KRT38: variants seen among roughly 807,000 people sequenced by gnomAD.
The protein encoded by KRT38 is keratin, type I cuticular Ha8.
Under a neutral mutation model 43.1 loss-of-function variants are expected in KRT38, and 45 were observed. The observed-to-expected ratio is 1.04, with a 90% CI of 0.82 to 1.34. The LOEUF (loss-of-function observed/expected upper bound fraction) is 1.34, where lower values mean the gene tolerates loss of function less well. Among genes scored for constraint, KRT38 ranks in the 40% most tolerant of loss-of-function variants. KRT38 has a pLI of 0.00. For missense variants in KRT38, 627 were observed against 586.2 expected, an observed-to-expected ratio of 1.07 and a Z score of -0.72; for synonymous variants, 258 against 244.0, an observed-to-expected ratio of 1.06 and a Z score of -0.53.
In KRT38 at chr17:41,438,040, C is replaced by A. The variant is rs1437966113; in HGVS notation, c.1241+53G>T. ...ACAGCCCTTCTGCTGCCCTGAGGAC[C>A]TCATCAGAATTGAGTAAATAATTTG... On this transcript the variant is annotated intron_variant, in intron 6 of 6. Transcript: ENST00000246646. 5 of 1,568,686 alleles carry A rather than the reference C, an allele frequency of 3.2e-6. No homozygotes were observed. The Admixed American group carries it at 6.7e-5, about 21-fold the overall frequency.
rs2018781914 is a variant in KRT38, at chr17:41,440,430, C to T, written c.492G>A (p.Lys164=). 2 of 1,612,620 alleles carry T rather than the reference C, an allele frequency of 1.2e-6. No homozygotes were observed. The highest frequency in any genetic ancestry group is 1.3e-5 in the African/African-American group (1 of 74,922). The stretch of plus-strand genomic sequence containing the variant: ...ACACCCAAGCGATCCCACACCTCAC[C>T]TTCTGTTGGAGCTCCTCGATGGTGT... ...YFHTIEELQQ[K]ILCSKAENAR... The change falls in exon 1 of 7, where the codon AAG becomes AAA. Residue 164 remains lysine, a splice_region_variant and synonymous_variant. Coordinates refer to ENST00000246646, the MANE Select transcript of KRT38 (RefSeq NM_006771.4).
rs760369579 is a variant in KRT38 at position 41,438,760 on chromosome 17, C to A, written c.831G>T (p.Arg277=). 12 of 1,614,148 alleles carry A rather than the reference C, an allele frequency of 7.4e-6. No individual in the cohort carries two copies. The highest frequency in any genetic ancestry group is 1.0e-5 in the Non-Finnish European group (12 of 1,180,012). The part of the protein sequence containing the change: ...IDLNRVLGEM[R]AQYEAMLETN... ...TCTCCAACATGGCCTCATACTGAGC[C>A]CGCATCTCCCCCAGCACCCTGTTCA... is the stretch of plus-strand genomic sequence containing the variant. The change falls in exon 4 of 7, where the codon CGG becomes CGT. Residue 277 remains arginine (R), a synonymous_variant. Coordinates refer to ENST00000246646, the MANE Select transcript of KRT38 (RefSeq NM_006771.4).
rs2018788255 is a variant in KRT38, at chr17:41,440,689, G to A, written c.233C>T (p.Pro78Leu). ...CLPPTCHTAC[P>L]LPGTCHIPGN... ...AGGAATGTGGCAGGTCCCTGGCAAG[G>A]GACAAGCAGTGTGGCAGGTAGGCGG... Residue 78 changes from proline to leucine, a missense_variant, in exon 1 of 7, where the codon CCC becomes CTC. By Grantham distance (98) the Pro-to-Leu change is moderately conservative (BLOSUM62 -3). Coordinates refer to ENST00000246646, the MANE Select transcript of KRT38 (RefSeq NM_006771.4). 2 of 1,614,232 alleles carry A rather than the reference G, an allele frequency of 1.2e-6. No individual in the cohort carries two copies. Among genetic ancestry groups the A allele is most frequent in the Non-Finnish European group, 8.5e-7 (1 of 1,180,034 alleles).
Position 41,440,443 on chromosome 17 carries a change from T to C in KRT38, c.479A>G (p.Glu160Gly). The C allele has an allele frequency of 6.2e-7, 1 of 1,613,516 alleles. No homozygotes were observed. The highest frequency in any genetic ancestry group is 1.3e-5 in the African/African-American group (1 of 75,030). Residue 160 changes from glutamate to glycine, a missense_variant, in exon 1 of 7, where the codon GAG becomes GGG. Glu to Gly is a moderately conservative substitution (Grantham distance 98, BLOSUM62 -2). Coordinates refer to ENST00000246646, the MANE Select transcript of KRT38 (RefSeq NM_006771.4). Reference sequence around the variant, plus strand: ...CCCACACCTCACCTTCTGTTGGAGCTCCTCGATGGTGTGGAAGTAAGACTG... The same window carrying C: ...CCCACACCTCACCTTCTGTTGGAGCCCCTCGATGGTGTGGAAGTAAGACTG... Reference protein sequence around the residue: ...DYQSYFHTIEELQQKILCSKA... With the variant: ...DYQSYFHTIEGLQQKILCSKA...
Position 41,440,660 on chromosome 17 carries a change from T to C in KRT38, c.262A>G (p.Asn88Asp). The part of the protein sequence containing the change: ...PLPGTCHIPG[N>D]IGICGAYGEN... ...CCATAGGCCCCACAGATTCCAATGTTGCCAGGAATGTGGCAGGTCCCTGGC... is the reference window on the plus strand; with the variant it reads ...CCATAGGCCCCACAGATTCCAATGTCGCCAGGAATGTGGCAGGTCCCTGGC... The change falls in exon 1 of 7, where the codon AAC becomes GAC. Residue 88 changes from asparagine (N) to aspartate (D), a missense_variant. Transcript: ENST00000246646. The C allele has an allele frequency of 6.2e-7, 1 of 1,614,210 alleles. No homozygotes were observed.
In KRT38 at chr17:41,440,860, C is replaced by T. The variant is rs758125628; in HGVS notation, c.62G>A (p.Arg21Lys). Residue 21 changes from arginine (R) to lysine (K), a missense_variant, in exon 1 of 7, where the codon AGA becomes AAA. Arg to Lys is a conservative substitution (Grantham distance 26, BLOSUM62 2). Coordinates refer to ENST00000246646, the MANE Select transcript of KRT38 (RefSeq NM_006771.4). ...PLGCTMAPGARNVSVSPIDIG... is the reference protein window; with the variant it reads ...PLGCTMAPGAKNVSVSPIDIG... Reference sequence around the variant, plus strand: ...GTCGATGGGAGAGACAGAGACATTTCTTGCTCCAGGAGCCATGGTGCAACC... The same window carrying T: ...GTCGATGGGAGAGACAGAGACATTTTTTGCTCCAGGAGCCATGGTGCAACC... 2.3e-5 allele frequency: 37 copies of T among 1,583,626 alleles called. No individual in the cohort carries two copies. The African/African-American group carries it at 4.7e-4, about 20-fold the overall frequency.
chr17:41,438,549 A>G lies in KRT38; in HGVS notation c.962T>C (p.Leu321Pro), dbSNP rs1367253727. 1.9e-6 allele frequency: 3 copies of G among 1,614,180 alleles called. No individual in the cohort carries two copies. The highest frequency in any genetic ancestry group is 1.7e-5 in the Admixed American group (1 of 60,030). The change falls in exon 5 of 7, where the codon CTG (leucine) becomes CCG (proline). Residue 321 changes from leucine to proline, a missense_variant. By Grantham distance (98) the Leu-to-Pro change is moderately conservative. Coordinates refer to ENST00000246646, the MANE Select transcript of KRT38 (RefSeq NM_006771.4). ...EELQCCQSEI[L>P]ELRCTVNALE... ...GGCATTCACCGTGCATCTCAGCTCC[A>G]GGATCTCCGACTGGCAGCACTGCAG...
Position 41,438,281 on chromosome 17 carries a change from G to A in KRT38, c.1053C>T (p.Ala351=), listed in dbSNP as rs550682328. ...KDCLQNSLCE[A]EDRFGTELAQ... ...CCAGCTCCGTGCCGAAGCGGTCCTC[G>A]GCTTCACACAGGGAGTTCTGCAGAC... Residue 351 remains alanine (A), a synonymous_variant, in exon 6 of 7, where the codon GCC becomes GCT. Coordinates refer to ENST00000246646, the MANE Select transcript of KRT38 (RefSeq NM_006771.4). The A allele has an allele frequency of 5.9e-5, 96 of 1,614,122 alleles. No individual in the cohort carries two copies. In the Admixed American group the frequency reaches 8.0e-4, roughly 13 times the overall value.
chr17:41,438,301 G>C lies in KRT38; in HGVS notation c.1033C>G (p.Gln345Glu). 6.2e-7 allele frequency: 1 copy of C among 1,614,076 alleles called. No individual in the cohort carries two copies. ...QAQHTLKDCL[Q>E]NSLCEAEDRF... ...TCCTCGGCTTCACACAGGGAGTTCT[G>C]CAGACAGTCCTTCTGTAGTGGGAAA... The change falls in exon 6 of 7, where the codon CAG (glutamine) becomes GAG (glutamate). Residue 345 changes from glutamine (Q) to glutamate (E), a missense_variant. Transcript: ENST00000246646.
At position 41,438,214 on chromosome 17, in the gene KRT38, A is replaced by G; in HGVS notation, c.1120T>C (p.Ser374Pro). ...SLISNVEEQL[S>P]EIRADLERQN... ...CGCTCCAGGTCGGCCCGGATCTCAG[A>G]CAGCTGCTCCTCCACGTTGCTGATG... The change falls in exon 6 of 7, where the codon TCT becomes CCT. Residue 374 changes from serine to proline, a missense_variant. By Grantham distance (74) the Ser-to-Pro change is moderately conservative. Transcript: ENST00000246646. The G allele has an allele frequency of 6.2e-7, 1 of 1,614,132 alleles. No individual in the cohort carries two copies. The highest frequency in any genetic ancestry group is 8.5e-7 in the Non-Finnish European group (1 of 1,180,008).
chr17:41,436,218 G>T lies in KRT38; in HGVS notation c.*1194C>A, dbSNP rs921681002. ...TACCAAGCAGTGGGCTAGGCTCTGG[G>T]GATGCAGCAATGAACAATTGTTAAT... On this transcript the variant is annotated 3_prime_UTR_variant, in exon 7 of 7. Coordinates refer to ENST00000246646, the MANE Select transcript of KRT38 (RefSeq NM_006771.4). Among the ~76,000 whole-genome samples, 1 of 152,154 alleles carries T rather than the reference G, an allele frequency of 6.6e-6. No individual in the cohort carries two copies. The highest frequency in any genetic ancestry group is 1.5e-5 in the Non-Finnish European group (1 of 68,040).
intron 3 of KRT38, 91 bp from the exon 4 acceptor site, chr17:41,438,949 TAGG>T: frequency 6.8e-7 from 1 of 1,475,806 alleles, no homozygotes; most frequent in South Asian, 1.2e-5. Flanking sequence ...TGGCAAGCAG[TAGG>T]AGGGGAGTCC....
intron 3 of KRT38, 111 bp from the exon 4 acceptor site, chr17:41,438,969 C>T (rs1165137013): frequency 4.3e-5 from 60 of 1,383,872 alleles, no homozygotes; most frequent in East Asian, 6.9e-5. Flanking sequence ...GTCCCACACA[C>T]AAGCAAATGG....
rs370329661 is a variant in KRT38 at position 41,440,391 on chromosome 17, A to G, written c.492+39T>C. ...GGATTCCTCCTGTCTTGCCTCTGCCATCTCAGACCCAGCACACCCAAGCGA... is the reference window on the plus strand; with the variant it reads ...GGATTCCTCCTGTCTTGCCTCTGCCGTCTCAGACCCAGCACACCCAAGCGA... On this transcript the variant is annotated intron_variant, in intron 1 of 6. Coordinates refer to ENST00000246646, the MANE Select transcript of KRT38 (RefSeq NM_006771.4). 31 of 1,604,646 alleles carry G rather than the reference A, an allele frequency of 1.9e-5. No homozygotes were observed. The African/African-American group carries it at 2.3e-4, about 12-fold the overall frequency.
chr17:41,440,429 C>A lies in KRT38; in HGVS notation c.492+1G>T. The A allele has an allele frequency of 6.2e-7, 1 of 1,612,742 alleles. No individual in the cohort carries two copies. The highest frequency in any genetic ancestry group is 8.5e-7 in the Non-Finnish European group (1 of 1,178,840). On this transcript the variant is annotated splice_donor_variant, in intron 1 of 6. Transcript: ENST00000246646. LOFTEE classifies it high-confidence loss of function. Reference sequence around the variant, plus strand: ...CACACCCAAGCGATCCCACACCTCACCTTCTGTTGGAGCTCCTCGATGGTG... The same window carrying A: ...CACACCCAAGCGATCCCACACCTCAACTTCTGTTGGAGCTCCTCGATGGTG...
In KRT38 at chr17:41,440,445, C is replaced by T; in HGVS notation, c.477G>A (p.Glu159=). 1 of 1,614,002 alleles carries T rather than the reference C, an allele frequency of 6.2e-7. No homozygotes were observed. Among genetic ancestry groups the T allele is most frequent in the Middle Eastern group, 1.6e-4 (1 of 6,062 alleles). Residue 159 remains glutamate (E), a synonymous_variant, in exon 1 of 7, where the codon GAG becomes GAA. Transcript: ENST00000246646. The stretch of plus-strand genomic sequence containing the variant: ...CACACCTCACCTTCTGTTGGAGCTC[C>T]TCGATGGTGTGGAAGTAAGACTGGT... The part of the protein sequence containing the change: ...PDYQSYFHTI[E]ELQQKILCSK...
At position 41,438,104 on chromosome 17, in the gene KRT38, G is replaced by A. The variant is rs28550887; in HGVS notation, c.1230C>T (p.Ser410=). The part of the protein sequence containing the change: ...EIATYRNLLE[S]EDCKLPCNPC... The stretch of plus-strand genomic sequence containing the variant: ...CAGATCACACGTACTTGCAGTCCTC[G>A]CTTTCCAGAAGGTTCCGGTACGTGG... Residue 410 remains serine, a synonymous_variant, in exon 6 of 7, where the codon AGC becomes AGT. Transcript: ENST00000246646. 0.032 allele frequency: 51,836 copies of A among 1,613,972 alleles called. 1,607 individuals carry two copies. Among genetic ancestry groups the A allele is most frequent in the African/African-American group, 0.16 (12,056 of 74,974 alleles).
intron 2 of KRT38, 145 bp from the exon 3 acceptor site, chr17:41,439,504 G>A: frequency 1.2e-6 from 1 of 864,992 alleles, no homozygotes; most frequent in Non-Finnish European, 1.7e-6. Context: ...ATTAGACCCA[G>A]CCCCTCTTCT....
At position 41,440,575 on chromosome 17, in the gene KRT38, G is replaced by T; in HGVS notation, c.347C>A (p.Ala116Asp). ...ETMQFLNDRL[A>D]NYLEKVRQLE... is the part of the protein sequence containing the mutation. Reference sequence around the variant, plus strand: ...CTGGCGCACCTTCTCCAGGTAGTTGGCCAGGCGGTCATTCAGGAACTGCAT... The same window carrying T: ...CTGGCGCACCTTCTCCAGGTAGTTGTCCAGGCGGTCATTCAGGAACTGCAT... The change falls in exon 1 of 7, where the codon GCC becomes GAC. Residue 116 changes from alanine to aspartate, a missense_variant. Coordinates refer to ENST00000246646, the MANE Select transcript of KRT38 (RefSeq NM_006771.4). 3.7e-6 allele frequency: 6 copies of T among 1,614,234 alleles called. No individual in the cohort carries two copies. Among genetic ancestry groups the T allele is most frequent in the South Asian group, 1.1e-5 (1 of 91,090 alleles).
Sources: gnomAD v4.1 joint callset for allele counts (sites outside exome capture counted in the v4.1 genomes callset) on GRCh38, gnomAD v4.1.1 for gene constraint, MANE v1.5 for transcripts, NCBI Gene and HGNC (gene_info 2026-07-23, HGNC 2026-07-21) for gene names.